Variants in POLR2F observed in about 807,000 individuals in gnomAD.
POLR2F encodes RNA polymerase II, I and III subunit F.
In POLR2F, 12 loss-of-function variants were observed where a neutral mutation model predicts 22.7. That is an observed-to-expected ratio of 0.53 (90% confidence interval 0.34 to 0.86). The LOEUF is 0.86. POLR2F is among the 40% of genes least tolerant of loss of function. The pLI is 0.02. For missense variants in POLR2F, 126 were observed against 171.5 expected (o/e 0.73, Z 1.48); for synonymous variants, 57 against 66.0 (o/e 0.86, Z 0.66).
At position 37,967,969 on chromosome 22, in the gene POLR2F, C is replaced by T; in HGVS notation, c.*254C>T. 1 of 1,134,566 alleles carries T rather than the reference C, an allele frequency of 8.8e-7. No homozygotes were observed. Among genetic ancestry groups the T allele is most frequent in the Non-Finnish European group, 1.1e-6 (1 of 924,078 alleles). 70.3% of individuals were successfully genotyped at this position (1,134,566 alleles called of 1,614,324 possible). On this transcript the variant is annotated 3_prime_UTR_variant, in exon 5 of 5. Coordinates refer to ENST00000442738, the MANE Select transcript of POLR2F (RefSeq NM_021974.5). ...TCCCCCACATCCTTCCCTCCATCTC[C>T]CTGTTCCCCAGAGCAAAGGCTGCTG...
chr22:37,955,973 C>T (rs1373989228), intron 1 of POLR2F, among the ~76,000 whole-genome samples: 11 of 151,962 alleles, frequency 7.2e-5, no homozygotes, highest in Admixed American at 7.2e-4. Flanking sequence ...ACGTGAGCCA[C>T]TGCACTCAGC....
At chr22:37,972,243 G>A (rs1345633384), downstream of POLR2F, 1 of 1,302,322 alleles carries the variant, frequency 7.7e-7, no homozygotes, top group Admixed American at 2.3e-5. Context: ...CTTCCAGAAA[G>A]CATTTGAGGA....
chr22:38,030,361 C>T (rs1405193356), downstream of POLR2F, among the ~76,000 whole-genome samples: 1 of 152,088 alleles, frequency 6.6e-6, no homozygotes, highest in Non-Finnish European at 1.5e-5. Flanking sequence ...AGGTAGACTG[C>T]CAATTTTCAT....
intron 1 of POLR2F, among the ~76,000 whole-genome samples, chr22:38,013,326 A>G (rs1383611225): frequency 6.6e-6 from 1 of 152,034 alleles, no homozygotes; most frequent in Non-Finnish European, 1.5e-5. Flanking sequence ...TTGTATTTTT[A>G]GTAGAGGCGG....
chr22:38,015,059 G>A (rs1752145389), intron 1 of POLR2F, among the ~76,000 whole-genome samples: 1 of 152,102 alleles, frequency 6.6e-6, no homozygotes, highest in South Asian at 2.1e-4. Flanking sequence ...ACCCGCCTCA[G>A]CCTCCCAAAG....
chr22:37,961,571 G>A (rs1236365933), intron 3 of POLR2F, among the ~76,000 whole-genome samples: 4 of 152,180 alleles, frequency 2.6e-5, no homozygotes, highest in African/African-American at 4.8e-5. Context: ...TGTCCAATGA[G>A]TGCAGATGTG....
chr22:37,989,860 C>T (rs1433712296), intron 1 of POLR2F, among the ~76,000 whole-genome samples: 4 of 152,228 alleles, frequency 2.6e-5, no homozygotes, highest in African/African-American at 9.6e-5. Flanking sequence ...CCTGCTCCAC[C>T]TTCCCCTGGA....
At chr22:38,003,245 G>A (rs919428664) in intron 1 of POLR2F, among the ~76,000 whole-genome samples, 2 of 151,894 alleles carry the variant, frequency 1.3e-5, no homozygotes, top group African/African-American at 4.8e-5. Context: ...AACCATGAGC[G>A]AGACAGAGTC....
rs184634501 is a variant in POLR2F, at chr22:38,022,363, C to G, written c.121-3506C>G. Among the ~76,000 whole-genome samples the G allele has an allele frequency of 1.5e-3, 224 of 151,804 alleles. 4 individuals carry two copies. The East Asian group carries it at 0.025, about 17-fold the overall frequency. ...GGTCAGGAGTTCGAGACCAGCCTGA[C>G]CAACATGGTGAAACCCTGTCTCTAC... On this transcript the variant is annotated intron_variant, in intron 1 of 2. Transcript: ENST00000333418.
At chr22:37,979,850 T>C (rs929142939) in intron 4 of POLR2F, among the ~76,000 whole-genome samples, 13 of 152,138 alleles carry the variant, frequency 8.5e-5, no homozygotes, top group African/African-American at 2.4e-4. Flanking sequence ...CCATGAGTCT[T>C]TGTGGGAGCA....
At chr22:37,955,541 A>AG (rs1312138002) in intron 1 of POLR2F, among the ~76,000 whole-genome samples, 1 of 151,376 alleles carries the variant, frequency 6.6e-6, no homozygotes, top group Non-Finnish European at 1.5e-5. Flanking sequence ...TTTGTCTCAA[A>AG]AAAAAAAAAA....
At position 37,956,760 on chromosome 22, in the gene POLR2F, T is replaced by A; in HGVS notation, c.21-13T>A. ...GTGATGCTCTAAGTAACTGATCTCT[T>A]CTTCCTGTACAGTTTTGATGGCGAC... is the stretch of plus-strand genomic sequence containing the variant. On this transcript the variant is annotated splice_polypyrimidine_tract_variant and intron_variant, in intron 1 of 4. Transcript: ENST00000442738. The A allele has an allele frequency of 6.2e-7, 1 of 1,609,916 alleles. No homozygotes were observed. The highest frequency in any genetic ancestry group is 8.5e-7 in the Non-Finnish European group (1 of 1,176,110).
downstream of POLR2F, chr22:37,973,310 T>G: frequency 1.8e-6 from 1 of 571,234 alleles, no homozygotes; most frequent in Non-Finnish European, 3.1e-6. Flanking sequence ...GCTTTGCTGC[T>G]GGAGCCTGGA....
At chr22:37,965,014 C>T (rs1931798453) in intron 3 of POLR2F, among the ~76,000 whole-genome samples, 1 of 152,154 alleles carries the variant, frequency 6.6e-6, no homozygotes, top group Non-Finnish European at 1.5e-5. Context: ...GGACTCTGCA[C>T]TTGGTAGGTG....
chr22:38,002,890 T>C (rs2084786228), intron 1 of POLR2F, among the ~76,000 whole-genome samples: 1 of 151,896 alleles, frequency 6.6e-6, no homozygotes, highest in Admixed American at 6.6e-5. Context: ...CAGGCCCAGC[T>C]AAGTTTTTAT....
intron 1 of POLR2F, among the ~76,000 whole-genome samples, chr22:38,009,714 CT>C (rs934394955): frequency 2.0e-5 from 3 of 152,094 alleles, no homozygotes; most frequent in African/African-American, 7.2e-5. Context: ...CGTGCAGTCA[CT>C]GTAGATTAAT....
chr22:37,962,791 C>T (rs902398233), intron 3 of POLR2F, among the ~76,000 whole-genome samples: 4 of 149,594 alleles, frequency 2.7e-5, no homozygotes, highest in South Asian at 2.1e-4. Flanking sequence ...CACGGGTTCA[C>T]GCCATTCTCC....
intron 1 of POLR2F, chr22:37,987,522 G>GC (rs1385566393): frequency 2.8e-6 from 1 of 353,822 alleles, no homozygotes; most frequent in African/African-American, 2.1e-5. Flanking sequence ...GTCACGTGGG[G>GC]CGATGGTCAC....
chr22:38,001,756 C>T (rs2084772050), intron 1 of POLR2F, among the ~76,000 whole-genome samples: 1 of 151,976 alleles, frequency 6.6e-6, no homozygotes, highest in Non-Finnish European at 1.5e-5. Flanking sequence ...TGGTCTCCAT[C>T]TCCTGACCTC....
Sources: gnomAD v4.1 joint callset for allele counts (sites outside exome capture counted in the v4.1 genomes callset) on GRCh38, gnomAD v4.1.1 for gene constraint, MANE v1.5 for transcripts, NCBI Gene and HGNC (gene_info 2026-07-23, HGNC 2026-07-21) for gene names.